Variants in WDR70 observed in about 807,000 individuals in gnomAD.
WDR70 encodes WD repeat-containing protein 70.
A neutral mutation model predicts 88.6 loss-of-function variants in WDR70; 53 were observed. The ratio of observed to expected loss-of-function variants is 0.60; its 90% CI spans 0.48 to 0.75. WDR70 has a LOEUF of 0.75. Ranked by LOEUF, WDR70 falls within the 30% of genes least tolerant of loss-of-function variation. The pLI, the probability that WDR70 is intolerant of heterozygous loss-of-function variation, is 0.00. For synonymous variants in WDR70, 280 were observed against 270.0 expected (o/e 1.04, Z -0.36); for missense variants, 610 against 823.2 (o/e 0.74, Z 3.17).
intron 10 of WDR70, among the ~76,000 whole-genome samples, chr5:37,643,069 A>G (rs1418507239): frequency 6.6e-6 from 1 of 152,078 alleles, no homozygotes; most frequent in Admixed American, 6.6e-5. Flanking sequence ...GCCCAGACCA[A>G]TGTCCTGGAG....
rs1478602681 is a variant in WDR70 at position 37,403,823 on chromosome 5, G to C, written c.492+7253G>C. 2.0e-5 allele frequency among the ~76,000 whole-genome samples: 3 copies of C among 152,148 alleles called. No homozygotes were observed. The East Asian group carries it at 5.8e-4, about 29-fold the overall frequency. ...AGTGGTGTAATCATAGCTCACTGCAGCTTCAACCTCTTGGGCTCAAGTGAT... is the reference window on the plus strand; with the variant it reads ...AGTGGTGTAATCATAGCTCACTGCACCTTCAACCTCTTGGGCTCAAGTGAT... On this transcript the variant is annotated intron_variant, in intron 5 of 17. Coordinates refer to ENST00000265107, the MANE Select transcript of WDR70 (RefSeq NM_018034.4).
At chr5:37,704,603 C>T (rs1289371301) in intron 13 of WDR70, among the ~76,000 whole-genome samples, 4 of 152,112 alleles carry the variant, frequency 2.6e-5, no homozygotes, top group East Asian at 1.9e-4. Flanking sequence ...TGTTTGGTTT[C>T]GTCTGTCTTC....
chr5:37,428,885 C>T (rs1581271100), intron 5 of WDR70, among the ~76,000 whole-genome samples: 1 of 152,130 alleles, frequency 6.6e-6, no homozygotes, highest in African/African-American at 2.4e-5. Flanking sequence ...GAGAATTCTG[C>T]CTCCTCCATA....
At chr5:37,696,646 T>G (rs1746990690) in intron 10 of WDR70, among the ~76,000 whole-genome samples, 1 of 152,338 alleles carries the variant, frequency 6.6e-6, no homozygotes, top group East Asian at 1.9e-4. Flanking sequence ...GCATGGCATG[T>G]GTGTGTGGGT....
rs376148041 is a variant in WDR70, at chr5:37,449,590, C to CA, written c.686+6231dup. Among the ~76,000 whole-genome samples, 472 of 85,552 alleles carry CA rather than the reference C, an allele frequency of 5.5e-3. 4 individuals are homozygous for CA. Among genetic ancestry groups the CA allele is most frequent in the African/African-American group, 0.019 (450 of 23,108 alleles). The allele number at this position is 85,552 out of a possible 152,430, so 56.1% of individuals were successfully genotyped here. A position where few individuals can be genotyped will look rare whatever the true frequency, so the allele number is the denominator to read the frequency against. ...CTGGGCAACGAGTGAAATTTTGTCT[C>CA]AAAAAAAAAAAAATAAAAAATAAAA... On this transcript the variant is annotated intron_variant, in intron 7 of 17. Transcript: ENST00000265107.
intron 13 of WDR70, among the ~76,000 whole-genome samples, chr5:37,718,176 G>A (rs1316191128): frequency 6.6e-6 from 1 of 152,182 alleles, no homozygotes; most frequent in Non-Finnish European, 1.5e-5. Context: ...AAAGGCTCTG[G>A]AGGGTACAGG....
intron 5 of WDR70, among the ~76,000 whole-genome samples, chr5:37,427,668 CCTGAGGT>C (rs1159952100): frequency 6.6e-6 from 1 of 152,070 alleles, no homozygotes; most frequent in Non-Finnish European, 1.5e-5. Context: ...TTGAGGATCA[CCTGAGGT>C]CAGGAGTTCG....
intron 9 of WDR70, among the ~76,000 whole-genome samples, chr5:37,579,582 C>CA (rs201135421): frequency 0.061 from 5,034 of 81,888 alleles, 220 homozygotes; most frequent in African/African-American, 0.13. Context: ...GACTCTGTCT[C>CA]AAAAAAAAAA....
At chr5:37,382,811 G>A (rs1273507723) in intron 3 of WDR70, among the ~76,000 whole-genome samples, 1 of 152,012 alleles carries the variant, frequency 6.6e-6, no homozygotes, top group African/African-American at 2.4e-5. Context: ...TCAGGAGTTC[G>A]TGACCAGCCT....
chr5:37,411,973 G>A (rs1581257681), intron 5 of WDR70, among the ~76,000 whole-genome samples: 1 of 150,840 alleles, frequency 6.6e-6, no homozygotes. Context: ...ATTCCATTTT[G>A]TTTATCTATA....
intron 10 of WDR70, among the ~76,000 whole-genome samples, chr5:37,615,467 G>C (rs1334049064): frequency 6.6e-6 from 1 of 152,076 alleles, no homozygotes; most frequent in Non-Finnish European, 1.5e-5. Flanking sequence ...ATGTAATTTG[G>C]GATGTTGGTA....
intron 5 of WDR70, among the ~76,000 whole-genome samples, chr5:37,430,993 A>G (rs752872553): frequency 3.3e-5 from 5 of 152,034 alleles, no homozygotes; most frequent in Non-Finnish European, 5.9e-5. Context: ...AGCTGGGACT[A>G]CAGGCTTGTG....
intron 10 of WDR70, among the ~76,000 whole-genome samples, chr5:37,656,999 G>A (rs935944992): frequency 6.6e-6 from 1 of 152,196 alleles, no homozygotes; most frequent in Admixed American, 6.5e-5. Context: ...TTCCCAGGGA[G>A]TGAACGGTTC....
At chr5:37,644,089 TC>T (rs1180583796) in intron 10 of WDR70, among the ~76,000 whole-genome samples, 1 of 152,066 alleles carries the variant, frequency 6.6e-6, no homozygotes, top group Admixed American at 6.5e-5. Context: ...CTTTCAGTTT[TC>T]CCCCTAATCA....
intron 10 of WDR70, among the ~76,000 whole-genome samples, chr5:37,634,445 GCATCTCTAACCTTACCTCACA>G (rs1224561967): frequency 9.9e-5 from 15 of 152,162 alleles, no homozygotes; most frequent in African/African-American, 3.4e-4. Flanking sequence ...TTTTTCAAAT[GCATCTCTAACCTTACCTCACA>G]CATCTCTAAC....
chr5:37,744,310 T>C (rs1395653477), intron 17 of WDR70, among the ~76,000 whole-genome samples: 2 of 150,276 alleles, frequency 1.3e-5, no homozygotes, highest in Non-Finnish European at 3.0e-5. Flanking sequence ...GACAAACTCA[T>C]GAAGATGAAA....
At chr5:37,598,758 T>G (rs963667894) in intron 9 of WDR70, among the ~76,000 whole-genome samples, 12 of 152,198 alleles carry the variant, frequency 7.9e-5, no homozygotes, top group African/African-American at 2.9e-4. Context: ...GAACACATAT[T>G]TTGAAACTTG....
intron 5 of WDR70, among the ~76,000 whole-genome samples, chr5:37,428,681 C>T (rs748219730): frequency 3.9e-5 from 6 of 152,068 alleles, no homozygotes; most frequent in African/African-American, 1.4e-4. Context: ...AGACAAATAG[C>T]TTGTTCTTGG....
Position 37,590,870 on chromosome 5 carries a change from A to G in WDR70, c.918-14194A>G, listed in dbSNP as rs1348786306. On this transcript the variant is annotated intron_variant, in intron 9 of 17. Transcript: ENST00000265107. ...TTCAACCTTAAGAAACTGGAGACCC[A>G]AAAAACCAAAACAGAACAAAAATCA... Among the ~76,000 whole-genome samples, 3 of 152,216 alleles carry G rather than the reference A, an allele frequency of 2.0e-5. No individual in the cohort carries two copies. In the East Asian group the frequency reaches 5.8e-4, roughly 29 times the overall value.
Sources: gnomAD v4.1 joint callset for allele counts (sites outside exome capture counted in the v4.1 genomes callset) on GRCh38, gnomAD v4.1.1 for gene constraint, MANE v1.5 for transcripts, NCBI Gene and HGNC (gene_info 2026-07-23, HGNC 2026-07-21) for gene names.